Variants in TCF7L2 observed in about 807,000 individuals in gnomAD.
TCF7L2 encodes transcription factor 7-like 2.
TCF7L2 carries 23 observed loss-of-function variants against 77.9 expected under a neutral mutation model. The observed-to-expected ratio is 0.30, with a 90% CI of 0.21 to 0.42. TCF7L2 has a LOEUF of 0.42. TCF7L2 is among the 10% of genes least tolerant of loss of function. The pLI, the probability that TCF7L2 is intolerant of heterozygous loss-of-function variation, is 1.00. For synonymous variants in TCF7L2, 413 were observed against 340.2 expected, an observed-to-expected ratio of 1.21 and a Z score of -2.36; for missense variants, 654 against 793.1, an observed-to-expected ratio of 0.82 and a Z score of 2.11.
At chr10:112,951,155 C>T in intron 1 of TCF7L2, 52 bp from the exon 2 acceptor site, 2 of 1,498,682 alleles carry the variant, frequency 1.3e-6, no homozygotes, top group Non-Finnish European at 1.8e-6. Flanking sequence ...CCTTCTCCCC[C>T]TTCTGCGTGG....
At chr10:112,995,025 T>C (rs35198068) in intron 4 of TCF7L2, among the ~76,000 whole-genome samples, 44,213 of 151,970 alleles carry the variant, frequency 0.29, 6,778 homozygotes, top group Middle Eastern at 0.42. Context: ...CGCTTGAACC[T>C]GGGAGACTGA....
chr10:113,059,582 G>A lies in TCF7L2; in HGVS notation c.552+19456G>A, dbSNP rs555739504. 1.2e-4 allele frequency among the ~76,000 whole-genome samples: 19 copies of A among 152,178 alleles called. 1 individual carries two copies. In the South Asian group the frequency reaches 2.5e-3, roughly 20 times the overall value. On this transcript the variant is annotated intron_variant, in intron 5 of 13. Coordinates refer to ENST00000627217, the MANE Select transcript of TCF7L2 (RefSeq NM_001146274.2). Reference sequence around the variant, plus strand: ...AGCTCACGGTGGACTGTGTTGGTGCGCGGGTCAGGCTTTAACGTGCCTAGT... The same window carrying A: ...AGCTCACGGTGGACTGTGTTGGTGCACGGGTCAGGCTTTAACGTGCCTAGT...
chr10:113,140,672 G>T (rs1052541296), intron 5 of TCF7L2, among the ~76,000 whole-genome samples: 2 of 152,186 alleles, frequency 1.3e-5, no homozygotes, highest in African/African-American at 4.8e-5. Flanking sequence ...GTTTCTAAGG[G>T]CAGGGAGGGG....
chr10:113,014,713 G>A lies in TCF7L2; in HGVS notation c.451-25312G>A, dbSNP rs540690639. Reference sequence around the variant, plus strand: ...GGCAGGGAGAATTGCTTGATCCCAGGAGGCGGAGGCTGCAGTGAGCCAAGA... The same window carrying A: ...GGCAGGGAGAATTGCTTGATCCCAGAAGGCGGAGGCTGCAGTGAGCCAAGA... On this transcript the variant is annotated intron_variant, in intron 4 of 13. Transcript: ENST00000627217. Among the ~76,000 whole-genome samples, 31 of 152,144 alleles carry A rather than the reference G, an allele frequency of 2.0e-4. No homozygotes were observed. The South Asian group carries it at 6.2e-3, about 31-fold the overall frequency.
chr10:113,074,052 C>A (rs2058424115), intron 5 of TCF7L2, among the ~76,000 whole-genome samples: 1 of 152,170 alleles, frequency 6.6e-6, no homozygotes. Context: ...AGCTGGTCAC[C>A]TCTGGGTGGT....
chr10:112,978,018 C>T lies in TCF7L2; in HGVS notation c.450+13394C>T, dbSNP rs117229942. 5.7e-3 allele frequency among the ~76,000 whole-genome samples: 862 copies of T among 152,190 alleles called. 4 individuals carry two copies. Among genetic ancestry groups the T allele is most frequent in the Admixed American group, 0.012 (186 of 15,278 alleles). ...TTCTCTATTTCTAAACCCTGAAACC[C>T]GTATGGGCTCTGCTAAGCCTTGTAA... On this transcript the variant is annotated intron_variant, in intron 4 of 13. Transcript: ENST00000627217.
intron 4 of TCF7L2, among the ~76,000 whole-genome samples, chr10:113,020,100 T>G (rs1356654012): frequency 6.6e-6 from 1 of 151,926 alleles, no homozygotes; most frequent in African/African-American, 2.4e-5. Flanking sequence ...TTTTTAGAAG[T>G]GAGTGTGTGT....
rs1555014203 is a variant in TCF7L2, at chr10:113,075,466, A to AAAAAAG, written c.552+35344_552+35345insAGAAAA. Among the ~76,000 whole-genome samples the AAAAAAG allele has an allele frequency of 4.4e-3, 669 of 150,676 alleles. 7 individuals are homozygous for AAAAAAG. The highest frequency in any genetic ancestry group is 0.013 in the African/African-American group (538 of 41,052). On this transcript the variant is annotated intron_variant, in intron 5 of 13. Coordinates refer to ENST00000627217, the MANE Select transcript of TCF7L2 (RefSeq NM_001146274.2). Reference sequence around the variant, plus strand: ...AAGAGCGAAACTCTGTGTCCAAAAAAAAAAGAAAAAAGAAAAAAAGAGTAT... The same window carrying AAAAAAG: ...AAGAGCGAAACTCTGTGTCCAAAAAAAAAAAGAAAAGAAAAAAGAAAAAAAGAGTAT...
In TCF7L2 at chr10:113,165,977, AGC is replaced by A. The variant is rs1278288341; in HGVS notation, c.*7_*8del. ...GTCACCAAGTCTTTAGAATAGCTTT[AGC>A]GTCGTGAACCCCGCTGCTTTGTTTA... On this transcript the variant is annotated 3_prime_UTR_variant, in exon 14 of 14. Coordinates refer to ENST00000627217, the MANE Select transcript of TCF7L2 (RefSeq NM_001146274.2). 1 of 1,502,350 alleles carries A rather than the reference AGC, an allele frequency of 6.7e-7. No individual in the cohort carries two copies. Among genetic ancestry groups the A allele is most frequent in the Non-Finnish European group, 8.9e-7 (1 of 1,124,202 alleles). The allele number at this position is 1,502,350 out of a possible 1,614,324, so 93.1% of individuals were successfully genotyped here.
intron 13 of TCF7L2, among the ~76,000 whole-genome samples, chr10:113,162,626 C>T (rs945606744): frequency 3.9e-5 from 6 of 152,192 alleles, no homozygotes; most frequent in African/African-American, 1.4e-4. Flanking sequence ...GACGCTGAGC[C>T]CCTGGTCCTA....
At chr10:113,027,647 T>C (rs1384423039) in intron 4 of TCF7L2, among the ~76,000 whole-genome samples, 2 of 152,226 alleles carry the variant, frequency 1.3e-5, no homozygotes, top group Non-Finnish European at 2.9e-5. Flanking sequence ...GAGGTTATTG[T>C]GCTCGAAATA....
At position 112,951,580 on chromosome 10, in the gene TCF7L2, C is replaced by T. The variant is rs1166354953; in HGVS notation, c.354C>T (p.Asn118=). The T allele has an allele frequency of 2.2e-6, 3 of 1,360,742 alleles. No homozygotes were observed. Among genetic ancestry groups the T allele is most frequent in the Non-Finnish European group, 1.9e-6 (2 of 1,027,946 alleles). The allele number at this position is 1,360,742 out of a possible 1,614,324, so 84.3% of individuals were successfully genotyped here. A position where few individuals can be genotyped will look rare whatever the true frequency, so the allele number is the denominator to read the frequency against. Reference sequence around the variant, plus strand: ...ACCTGACGAGCCCCTACCTCCCCAACGGATCGCTCTCGCCCACCGCCCGAA... The same window carrying T: ...ACCTGACGAGCCCCTACCTCCCCAATGGATCGCTCTCGCCCACCGCCCGAA... Residue 118 remains asparagine, a synonymous_variant, in exon 3 of 14, where the codon AAC becomes AAT. Coordinates refer to ENST00000627217, the MANE Select transcript of TCF7L2 (RefSeq NM_001146274.2).
chr10:113,020,088 GC>G (rs2048039300), intron 4 of TCF7L2, among the ~76,000 whole-genome samples: 1 of 152,178 alleles, frequency 6.6e-6, no homozygotes, highest in African/African-American at 2.4e-5. Context: ...CCGAGGGTAA[GC>G]TTTTTAGAAG....
chr10:113,061,810 G>A (rs2056492102), intron 5 of TCF7L2, among the ~76,000 whole-genome samples: 1 of 152,204 alleles, frequency 6.6e-6, no homozygotes, highest in South Asian at 2.1e-4. Flanking sequence ...GCACTAGCAG[G>A]TGAGGAGTTA....
At chr10:113,152,467 G>A (rs1300695925) in intron 11 of TCF7L2, 27 bp downstream of exon 11, 1 of 1,570,356 alleles carries the variant, frequency 6.4e-7, no homozygotes, top group South Asian at 1.1e-5. Context: ...CGTTAGGATT[G>A]GAGTCTGTAG....
At chr10:113,010,373 A>G (rs1223157205) in intron 4 of TCF7L2, among the ~76,000 whole-genome samples, 1 of 152,160 alleles carries the variant, frequency 6.6e-6, no homozygotes, top group African/African-American at 2.4e-5. Flanking sequence ...CCCGGGGCCC[A>G]CTTTGGGAGG....
intron 5 of TCF7L2, among the ~76,000 whole-genome samples, chr10:113,127,393 C>T (rs1239202589): frequency 2.0e-5 from 3 of 152,072 alleles, no homozygotes; most frequent in African/African-American, 7.2e-5. Flanking sequence ...TCCCCTTCCT[C>T]CCTTCTTGAA....
In TCF7L2 at chr10:113,129,297, G is replaced by A. The variant is rs946695403; in HGVS notation, c.553-11887G>A. 6.1e-6 allele frequency: 6 copies of A among 985,924 alleles called. No individual in the cohort carries two copies. In the African/African-American group the frequency reaches 7.0e-5, roughly 11 times the overall value. The allele number at this position is 985,924 out of a possible 1,614,324, so 61.1% of individuals were successfully genotyped here. A position where few individuals can be genotyped will look rare whatever the true frequency, so the allele number is the denominator to read the frequency against. On this transcript the variant is annotated intron_variant, in intron 5 of 13. Coordinates refer to ENST00000627217, the MANE Select transcript of TCF7L2 (RefSeq NM_001146274.2). ...GATAAAGTGCCTGCCTCCTGCACTC[G>A]GTTGATCATTTTCCCTCATGGCTGA...
intron 5 of TCF7L2, among the ~76,000 whole-genome samples, chr10:113,065,409 G>A (rs1334650201): frequency 6.6e-6 from 1 of 152,156 alleles, no homozygotes; most frequent in African/African-American, 2.4e-5. Flanking sequence ...TATACCTTAC[G>A]GGTGCTATTT....
Sources: allele counts gnomAD v4.1 joint callset (sites outside exome capture counted in the v4.1 genomes callset), GRCh38; gene constraint gnomAD v4.1.1; transcripts MANE v1.5; gene names NCBI Gene and HGNC (gene_info 2026-07-23, HGNC 2026-07-21).